The following LMTK2 variants were observed in gnomAD, a reference collection of about 807,000 sequenced individuals.
LMTK2 encodes the protein serine/threonine-protein kinase LMTK2.
Under a neutral mutation model 127.5 loss-of-function variants are expected in LMTK2, and 37 were observed. The ratio of observed to expected loss-of-function variants is 0.29; its 90% CI spans 0.22 to 0.38. The LOEUF (loss-of-function observed/expected upper bound fraction) is 0.38. LMTK2 is among the 10% of genes least tolerant of loss of function. The probability of loss-of-function intolerance (pLI) is 1.00; values close to 1 mark genes in which losing one functional copy is unlikely to be tolerated. For synonymous variants in LMTK2, 819 were observed against 810.1 expected (o/e 1.01, Z -0.19); for missense variants, 1,694 against 1,920.3 (o/e 0.88, Z 2.20).
At chr7:98,154,078 A>G (rs1280665319) in intron 4 of LMTK2, among the ~76,000 whole-genome samples, 1 of 152,236 alleles carries the variant, frequency 6.6e-6, no homozygotes, top group Non-Finnish European at 1.5e-5. Flanking sequence ...CTAGAGTTCA[A>G]TAAAAACCCT....
intron 1 of LMTK2, among the ~76,000 whole-genome samples, chr7:98,129,106 TGTGTCACCCAGG>T (rs910397830): frequency 9.3e-4 from 141 of 152,152 alleles, no homozygotes; most frequent in African/African-American, 3.1e-3. Flanking sequence ...ACAGTCTCAC[TGTGTCACCCAGG>T]CTGTCACCCA....
In LMTK2 at chr7:98,191,845, G is replaced by A; in HGVS notation, c.1380G>A (p.Glu460=). The change falls in exon 11 of 14, where the codon GAG becomes GAA. Residue 460 remains glutamate, a synonymous_variant. Transcript: ENST00000297293. The part of the protein sequence containing the change: ...FARDRLGREM[E]EVLTVTETSQ... ...GGGACCGGCTGGGTCGTGAAATGGA[G>A]GAAGTCCTCACCGTGACCGAAACCA... The A allele has an allele frequency of 6.2e-7, 1 of 1,614,170 alleles. No homozygotes were observed. The highest frequency in any genetic ancestry group is 8.5e-7 in the Non-Finnish European group (1 of 1,180,022).
chr7:98,192,157 G>A lies in LMTK2; in HGVS notation c.1692G>A (p.Glu564=). ...QLEEKSGSNL[E]LDYPPALLTT... ...AAGAAAAAAGTGGTAGTAACTTGGA[G>A]CTTGATTACCCACCAGCGCTGCTCA... The change falls in exon 11 of 14, where the codon GAG becomes GAA. Residue 564 remains glutamate (E), a synonymous_variant. Coordinates refer to ENST00000297293, the MANE Select transcript of LMTK2 (RefSeq NM_014916.4). The A allele has an allele frequency of 1.3e-6, 2 of 1,529,646 alleles. No individual in the cohort carries two copies. Among genetic ancestry groups the A allele is most frequent in the Non-Finnish European group, 1.8e-6 (2 of 1,141,412 alleles). 94.8% of individuals were successfully genotyped at this position (1,529,646 alleles called of 1,614,324 possible). A position where few individuals can be genotyped will look rare whatever the true frequency, so the allele number is the denominator to read the frequency against.
chr7:98,186,355 C>T (rs758405985), intron 8 of LMTK2, among the ~76,000 whole-genome samples: 2 of 152,130 alleles, frequency 1.3e-5, no homozygotes, highest in Non-Finnish European at 2.9e-5. Flanking sequence ...GCCACCGAGC[C>T]CGGCCTGCAT....
intron 3 of LMTK2, among the ~76,000 whole-genome samples, chr7:98,151,022 A>T (rs192789235): frequency 0.012 from 1,853 of 152,286 alleles, 17 homozygotes; most frequent in Admixed American, 0.02. Context: ...AAAACTTTTT[A>T]AAAATTAAGG....
chr7:98,107,108 C>A lies in LMTK2; in HGVS notation c.-70C>A. 8.1e-7 allele frequency: 1 copy of A among 1,236,420 alleles called. No homozygotes were observed. Among genetic ancestry groups the A allele is most frequent in the Non-Finnish European group, 1.1e-6 (1 of 944,434 alleles). 76.6% of individuals were successfully genotyped at this position (1,236,420 alleles called of 1,614,324 possible). On this transcript the variant is annotated 5_prime_UTR_variant, in exon 1 of 14. The change creates a new upstream start codon in the 5' untranslated region. Coordinates refer to ENST00000297293, the MANE Select transcript of LMTK2 (RefSeq NM_014916.4). Reference sequence around the variant, plus strand: ...AGGCAGCGGAGGGAGGCAGGATCGACTGACGGGCGAACGGACGGACGGACG... The same window carrying A: ...AGGCAGCGGAGGGAGGCAGGATCGAATGACGGGCGAACGGACGGACGGACG...
chr7:98,132,449 C>A (rs1796533870), intron 1 of LMTK2, among the ~76,000 whole-genome samples: 2 of 152,160 alleles, frequency 1.3e-5, no homozygotes, highest in South Asian at 4.1e-4. Flanking sequence ...CGGGATTTCA[C>A]CATGTTGGTC....
chr7:98,188,222 T>A (rs966235250), intron 9 of LMTK2, among the ~76,000 whole-genome samples: 1 of 152,158 alleles, frequency 6.6e-6, no homozygotes, highest in Admixed American at 6.5e-5. Context: ...AACCTTTTTA[T>A]CTTCCACGAG....
chr7:98,205,559 C>G lies in LMTK2; in HGVS notation c.*67C>G. 1 of 1,542,134 alleles carries G rather than the reference C, an allele frequency of 6.5e-7. No homozygotes were observed. The highest frequency in any genetic ancestry group is 1.1e-5 in the South Asian group (1 of 89,050). On this transcript the variant is annotated 3_prime_UTR_variant, in exon 14 of 14. Coordinates refer to ENST00000297293, the MANE Select transcript of LMTK2 (RefSeq NM_014916.4). ...TGGAGCGGCGCCCCTGCGCCCTCAGCCCGAGCAGCGACATCCACTCGCCAT... is the reference window on the plus strand; with the variant it reads ...TGGAGCGGCGCCCCTGCGCCCTCAGGCCGAGCAGCGACATCCACTCGCCAT...
chr7:98,112,087 G>T (rs1480929353), intron 1 of LMTK2, among the ~76,000 whole-genome samples: 1 of 152,250 alleles, frequency 6.6e-6, no homozygotes, highest in Admixed American at 6.5e-5. Flanking sequence ...ATTGTGTATT[G>T]TCATGAGGCA....
intron 9 of LMTK2, among the ~76,000 whole-genome samples, chr7:98,190,408 C>T (rs1399621119): frequency 1.3e-5 from 2 of 152,102 alleles, no homozygotes; most frequent in Non-Finnish European, 2.9e-5. Flanking sequence ...GTGGTGAAAC[C>T]CTATCTCTAC....
At chr7:98,175,269 G>A (rs1797259824) in intron 7 of LMTK2, among the ~76,000 whole-genome samples, 1 of 152,208 alleles carries the variant, frequency 6.6e-6, no homozygotes, top group African/African-American at 2.4e-5. Flanking sequence ...AAGGCTGGAG[G>A]ACATTCAGAA....
rs765367290 is a variant in LMTK2, at chr7:98,107,204, G to A, written c.27G>A (p.Arg9=). ...TGCCGGGGCCGCCGGCGTTGCGGCG[G>A]AGGCTGCTGCTGCTGCTGCTGGTCC... MPGPPALR[R]RLLLLLLVLL... Residue 9 remains arginine, a synonymous_variant, in exon 1 of 14, where the codon CGG becomes CGA. Transcript: ENST00000297293. The A allele has an allele frequency of 3.0e-5, 44 of 1,457,746 alleles. 2 individuals are homozygous for A. In the South Asian group the frequency reaches 5.0e-4, roughly 17 times the overall value. 90.3% of individuals were successfully genotyped at this position (1,457,746 alleles called of 1,614,324 possible).
At chr7:98,184,437 A>G (rs143900431) in intron 7 of LMTK2, among the ~76,000 whole-genome samples, 7 of 151,428 alleles carry the variant, frequency 4.6e-5, no homozygotes, top group Admixed American at 1.3e-4. Flanking sequence ...CCTGGGGGCA[A>G]CGGGTTGGGG....
At chr7:98,147,230 T>C (rs949582700) in intron 3 of LMTK2, among the ~76,000 whole-genome samples, 14 of 142,504 alleles carry the variant, frequency 9.8e-5, no homozygotes, top group Non-Finnish European at 2.0e-4. Context: ...TTTATGTTAC[T>C]TTTTTTTTTT....
intron 1 of LMTK2, among the ~76,000 whole-genome samples, chr7:98,120,952 T>A (rs1304546740): frequency 6.6e-6 from 1 of 152,218 alleles, no homozygotes; most frequent in East Asian, 1.9e-4. Context: ...GAAAATTCAC[T>A]TTAATAAAGA....
At chr7:98,133,233 T>G (rs563559702) in intron 1 of LMTK2, among the ~76,000 whole-genome samples, 2 of 152,334 alleles carry the variant, frequency 1.3e-5, no homozygotes, top group South Asian at 4.1e-4. Flanking sequence ...CTGTTCTTGA[T>G]GTTGTTTGGT....
chr7:98,118,100 C>T (rs1796312804), intron 1 of LMTK2, among the ~76,000 whole-genome samples: 1 of 152,142 alleles, frequency 6.6e-6, no homozygotes, highest in African/African-American at 2.4e-5. Context: ...GAGGAGAGAG[C>T]AACTTTGGGA....
chr7:98,108,646 G>A (rs902624033), intron 1 of LMTK2, among the ~76,000 whole-genome samples: 1 of 152,180 alleles, frequency 6.6e-6, no homozygotes, highest in Non-Finnish European at 1.5e-5. Flanking sequence ...CACAGGAAAT[G>A]CCTGGGAAAT....
Sources: gnomAD v4.1 joint callset for allele counts (sites outside exome capture counted in the v4.1 genomes callset) on GRCh38, gnomAD v4.1.1 for gene constraint, MANE v1.5 for transcripts, NCBI Gene and HGNC (gene_info 2026-07-23, HGNC 2026-07-21) for gene names.